The following ITGB3BP variants were observed in gnomAD, a reference collection of about 807,000 sequenced individuals.
The protein encoded by ITGB3BP is integrin subunit beta 3 binding protein.
In ITGB3BP, 27 loss-of-function variants were observed where a neutral mutation model predicts 29.1. That is an observed-to-expected ratio of 0.93 (90% confidence interval 0.68 to 1.28). The LOEUF is 1.28. Ranked by LOEUF, ITGB3BP falls within the 50% of genes most tolerant of loss-of-function variation. ITGB3BP has a pLI of 0.00. For synonymous variants in ITGB3BP, 61 were observed against 61.4 expected (o/e 0.99, Z 0.03); for missense variants, 192 against 200.2 (o/e 0.96, Z 0.25).
intron 2 of ITGB3BP, among the ~76,000 whole-genome samples, chr1:63,498,134 A>G (rs998472296): frequency 6.6e-6 from 1 of 152,210 alleles, no homozygotes; most frequent in African/African-American, 2.4e-5. Context: ...CCCGCATTCA[A>G]TAATGAATAG....
In ITGB3BP at chr1:63,451,459, T is replaced by C. The variant is rs182718103; in HGVS notation, c.484+2459A>G. Among the ~76,000 whole-genome samples, 616 of 152,028 alleles carry C rather than the reference T, an allele frequency of 4.1e-3. 4 individuals carry two copies. Among genetic ancestry groups the C allele is most frequent in the African/African-American group, 0.013 (553 of 41,546 alleles). ...AGAAAGTGGAAATTTCAAGGCCAGA[T>C]TGCAAAATGAGGGACATATAAAGCA... is the stretch of plus-strand genomic sequence containing the variant. On this transcript the variant is annotated intron_variant, in intron 7 of 8. Coordinates refer to ENST00000271002, the MANE Select transcript of ITGB3BP (RefSeq NM_014288.5).
rs772632267 is a variant in ITGB3BP at position 63,454,855 on chromosome 1, T to A, written c.333+35A>T. 9 of 978,154 alleles carry A rather than the reference T, an allele frequency of 9.2e-6. No individual in the cohort carries two copies. In the African/African-American group the frequency reaches 1.5e-4, roughly 16 times the overall value. The allele number at this position is 978,154 out of a possible 1,614,324, so 60.6% of individuals were successfully genotyped here. On this transcript the variant is annotated intron_variant, in intron 5 of 8. Transcript: ENST00000271002. The surrounding 1 kb of genome is among the most constrained non-coding windows in gnomAD (Gnocchi z 4.1). ...TGGGACACTTCTTTCATTTTATCCT[T>A]TTCAAACAGGGTAGAAGTATGAAAA...
chr1:63,504,722 G>A (rs1398746883), intron 2 of ITGB3BP, among the ~76,000 whole-genome samples: 1 of 152,094 alleles, frequency 6.6e-6, no homozygotes, highest in Non-Finnish European at 1.5e-5. Flanking sequence ...TTAGCATGAA[G>A]GTTGTTGAAT....
intron 2 of ITGB3BP, among the ~76,000 whole-genome samples, chr1:63,507,621 CTAAT>C (rs1226915700): frequency 6.6e-6 from 1 of 152,164 alleles, no homozygotes; most frequent in Non-Finnish European, 1.5e-5. Context: ...TTCTAAATTG[CTAAT>C]TATACTGTTA....
chr1:63,495,409 G>C (rs1645762809), intron 2 of ITGB3BP, among the ~76,000 whole-genome samples: 1 of 152,132 alleles, frequency 6.6e-6, no homozygotes, highest in African/African-American at 2.4e-5. Context: ...TACACTAAAG[G>C]AAAGATAGCT....
chr1:63,475,825 C>T (rs377741431), intron 4 of ITGB3BP, among the ~76,000 whole-genome samples: 3 of 151,622 alleles, frequency 2.0e-5, no homozygotes, highest in East Asian at 2.0e-4. Flanking sequence ...AGGCAGAACC[C>T]GGTCTCTACT....
chr1:63,456,945 A>G (rs1202283269), intron 4 of ITGB3BP, among the ~76,000 whole-genome samples: 1 of 152,218 alleles, frequency 6.6e-6, no homozygotes, highest in Non-Finnish European at 1.5e-5. Context: ...ACTTGTATGG[A>G]TTAAATATCA....
rs747274651 is a variant in ITGB3BP, at chr1:63,458,148, T to C, written c.255-3180A>G. 43 of 152,174 alleles carry C rather than the reference T, an allele frequency of 2.8e-4. 1 individual carries two copies. Among genetic ancestry groups the C allele is most frequent in the Non-Finnish European group, 1.3e-4 (9 of 68,026 alleles). 9.4% of individuals were successfully genotyped at this position (152,174 alleles called of 1,614,324 possible). A position where few individuals can be genotyped will look rare whatever the true frequency, so the allele number is the denominator to read the frequency against. ...AGCCAAATAAAATCCATGAGAAGCA[T>C]TGGATGTATCCATTAATTCTGCTTT... On this transcript the variant is annotated intron_variant, in intron 4 of 8. Coordinates refer to ENST00000271002, the MANE Select transcript of ITGB3BP (RefSeq NM_014288.5).
chr1:63,478,910 A>G, intron 3 of ITGB3BP, 77 bp from the exon 4 acceptor site: 1 of 508,326 alleles, frequency 2.0e-6, no homozygotes, highest in Non-Finnish European at 3.4e-6. Flanking sequence ...TTAGTTTGTC[A>G]AATTTTAAAT....
chr1:63,443,921 GC>G (rs1644759009), intron 8 of ITGB3BP, among the ~76,000 whole-genome samples: 2 of 152,084 alleles, frequency 1.3e-5, no homozygotes, highest in East Asian at 3.9e-4. Flanking sequence ...TGGGTTTATA[GC>G]CCAGGAGACT....
At chr1:63,465,682 A>G (rs1474474591) in intron 4 of ITGB3BP, among the ~76,000 whole-genome samples, 2 of 152,052 alleles carry the variant, frequency 1.3e-5, no homozygotes, top group Non-Finnish European at 2.9e-5. Context: ...GAGCCACCAC[A>G]TCCAGCCCCA....
rs796227836 is a variant in ITGB3BP, at chr1:63,461,988, A to G, written c.255-7020T>C. Among the ~76,000 whole-genome samples the G allele has an allele frequency of 2.6e-5, 4 of 152,300 alleles. No homozygotes were observed. The East Asian group carries it at 7.7e-4, about 29-fold the overall frequency. The stretch of plus-strand genomic sequence containing the variant: ...TATGAATTTAAGGACAGGTTTTTCC[A>G]TTTCTGCAAAAAGTGCTGTTTAATC... On this transcript the variant is annotated intron_variant, in intron 4 of 8. Transcript: ENST00000271002.
intron 1 of ITGB3BP, among the ~76,000 whole-genome samples, chr1:63,514,297 T>C (rs752873164): frequency 6.6e-6 from 1 of 152,230 alleles, no homozygotes; most frequent in African/African-American, 2.4e-5. Context: ...TTAGCCATTA[T>C]GAGTAAAGCT....
chr1:63,500,556 A>G (rs538978242), intron 2 of ITGB3BP, among the ~76,000 whole-genome samples: 1 of 152,334 alleles, frequency 6.6e-6, no homozygotes, highest in South Asian at 2.1e-4. Flanking sequence ...TAAAATACTT[A>G]GGAATAAATT....
intron 3 of ITGB3BP, among the ~76,000 whole-genome samples, chr1:63,482,349 C>G (rs945886017): frequency 1.3e-5 from 2 of 150,386 alleles, no homozygotes; most frequent in African/African-American, 4.9e-5. Flanking sequence ...TCTAGGTACC[C>G]ATACTTTATA....
chr1:63,454,846 T>G lies in ITGB3BP; in HGVS notation c.333+44A>C. The G allele has an allele frequency of 1.1e-6, 1 of 892,204 alleles. No homozygotes were observed. The highest frequency in any genetic ancestry group is 1.8e-6 in the Non-Finnish European group (1 of 558,824). The allele number at this position is 892,204 out of a possible 1,614,324, so 55.3% of individuals were successfully genotyped here. ...TCTCCAATCTGGGACACTTCTTTCATTTTATCCTTTTCAAACAGGGTAGAA... is the reference window on the plus strand; with the variant it reads ...TCTCCAATCTGGGACACTTCTTTCAGTTTATCCTTTTCAAACAGGGTAGAA... On this transcript the variant is annotated intron_variant, in intron 5 of 8. Transcript: ENST00000271002. This position sits in a 1 kb window ranked among gnomAD's most constrained non-coding sequence, Gnocchi z 4.1.
chr1:63,511,739 T>C (rs1030122109), intron 1 of ITGB3BP, among the ~76,000 whole-genome samples: 6 of 152,090 alleles, frequency 3.9e-5, no homozygotes, highest in Middle Eastern at 3.4e-3. Flanking sequence ...GTCAAGTTCA[T>C]GGAGACAAAA....
rs574127428 is a variant in ITGB3BP at position 63,460,395 on chromosome 1, C to A, written c.255-5427G>T. On this transcript the variant is annotated intron_variant, in intron 4 of 8. Coordinates refer to ENST00000271002, the MANE Select transcript of ITGB3BP (RefSeq NM_014288.5). ...GACATTGCATACAACTGGAATCTTA[C>A]AGTATTTGTCCTTATGTGTCTGGCT... Among the ~76,000 whole-genome samples the A allele has an allele frequency of 1.1e-4, 17 of 152,286 alleles. No homozygotes were observed. The South Asian group carries it at 2.9e-3, about 26-fold the overall frequency.
chr1:63,458,044 C>G (rs1034562775), intron 4 of ITGB3BP: 1 of 152,102 alleles, frequency 6.6e-6, no homozygotes. Flanking sequence ...AGAAGAGTTG[C>G]ATTGTGAAAT....
Sources: gnomAD v4.1 joint callset for allele counts (sites outside exome capture counted in the v4.1 genomes callset) on GRCh38, gnomAD v4.1.1 for gene constraint, Gnocchi (gnomAD v3.1) non-coding constraint, MANE v1.5 for transcripts, NCBI Gene and HGNC (gene_info 2026-07-23, HGNC 2026-07-21) for gene names.